ZDHHC21: variants seen among roughly 807,000 people sequenced by gnomAD.
ZDHHC21 encodes the protein palmitoyltransferase ZDHHC21.
Under a neutral mutation model 34.6 loss-of-function variants are expected in ZDHHC21, and 15 were observed. That is an observed-to-expected ratio of 0.43 (90% CI 0.29 to 0.67). The LOEUF (loss-of-function observed/expected upper bound fraction) is 0.67, where lower values mean the gene tolerates loss of function less well. ZDHHC21 is among the 30% of genes least tolerant of loss of function. The pLI, the probability that ZDHHC21 is intolerant of heterozygous loss-of-function variation, is 0.14. For missense variants in ZDHHC21, 344 were observed against 327.7 expected (o/e 1.05, Z -0.38); for synonymous variants, 142 against 101.8 (o/e 1.40, Z -2.38).
Position 14,680,135 on chromosome 9 carries a change from C to G in ZDHHC21, c.-148G>C, listed in dbSNP as rs930728283. 3.9e-5 allele frequency: 6 copies of G among 152,388 alleles called. No individual in the cohort carries two copies. Among genetic ancestry groups the G allele is most frequent in the African/African-American group, 1.4e-4 (6 of 41,386 alleles). The allele number at this position is 152,388 out of a possible 1,614,324, so 9.4% of individuals were successfully genotyped here. On this transcript the variant is annotated 5_prime_UTR_variant, in exon 3 of 10. Coordinates refer to ENST00000380916, the MANE Select transcript of ZDHHC21 (RefSeq NM_178566.6). ...TAATTATATCCCACCAAATGGATCT[C>G]TCTTCAATAACAGTTCTCCATGAGA...
downstream of ZDHHC21, among the ~76,000 whole-genome samples, chr9:14,606,387 T>C (rs1477985120): frequency 6.6e-6 from 1 of 152,128 alleles, no homozygotes; most frequent in East Asian, 1.9e-4. Flanking sequence ...AAGCCCAAAG[T>C]TATATGTAGA....
chr9:14,662,075 A>C (rs748833590), intron 6 of ZDHHC21, 140 bp downstream of exon 6: 7 of 516,742 alleles, frequency 1.4e-5, no homozygotes, highest in Non-Finnish European at 2.3e-5. Context: ...AGAACCATAT[A>C]ATCTAAATAA....
rs374162221 is a variant in ZDHHC21 at position 14,660,372 on chromosome 9, CAAAAAAAAA to C, written c.366-1494_366-1486del. ...TGGGCAACAGAGTAAGACTCCATCT[CAAAAAAAAA>C]AAAAAAAAAAAAAGAATGATCAGAG... On this transcript the variant is annotated intron_variant, in intron 6 of 9. Transcript: ENST00000380916. 2.2e-4 allele frequency among the ~76,000 whole-genome samples: 13 copies of C among 58,810 alleles called. No homozygotes were observed. In the East Asian group the frequency reaches 5.2e-3, roughly 23 times the overall value. 38.6% of individuals were successfully genotyped at this position (58,810 alleles called of 152,430 possible).
chr9:14,621,427 C>T (rs952712542), intron 8 of ZDHHC21, among the ~76,000 whole-genome samples: 3 of 152,000 alleles, frequency 2.0e-5, no homozygotes, highest in African/African-American at 4.8e-5. Context: ...AGATTTCATA[C>T]AGAAAAAGCT....
chr9:14,666,515 G>A (rs1587318160), intron 5 of ZDHHC21, among the ~76,000 whole-genome samples: 1 of 98,664 alleles, frequency 1.0e-5, no homozygotes, highest in South Asian at 4.6e-4. Flanking sequence ...GACATCTACA[G>A]AACTCTCCAC....
chr9:14,631,281 T>A (rs1827297725), intron 8 of ZDHHC21, among the ~76,000 whole-genome samples: 1 of 152,228 alleles, frequency 6.6e-6, no homozygotes. Context: ...CCTTCTTTCC[T>A]TAAGCCTTAA....
rs1666850157 is a variant in ZDHHC21 at position 14,616,819 on chromosome 9, C to T, written c.*2147G>A. 2.0e-5 allele frequency: 3 copies of T among 151,446 alleles called. No individual in the cohort carries two copies. The highest frequency in any genetic ancestry group is 2.1e-4 in the South Asian group (1 of 4,788). The allele number at this position is 151,446 out of a possible 1,614,324, so 9.4% of individuals were successfully genotyped here. A position where few individuals can be genotyped will look rare whatever the true frequency, so the allele number is the denominator to read the frequency against. Reference sequence around the variant, plus strand: ...TTTTCTAGTATATTAGTTTGTAGTCCAATAATTTAGGGGAACTGAGTACAG... The same window carrying T: ...TTTTCTAGTATATTAGTTTGTAGTCTAATAATTTAGGGGAACTGAGTACAG... On this transcript the variant is annotated 3_prime_UTR_variant, in exon 10 of 10. Coordinates refer to ENST00000380916, the MANE Select transcript of ZDHHC21 (RefSeq NM_178566.6).
chr9:14,658,996 T>C, intron 6 of ZDHHC21, 109 bp from the exon 7 acceptor site: 4 of 1,118,896 alleles, frequency 3.6e-6, no homozygotes, highest in Non-Finnish European at 5.0e-6. Flanking sequence ...CTTAACTTCA[T>C]GGAGATATGC....
the ZDHHC21 span, among the ~76,000 whole-genome samples, chr9:14,597,107 A>T: frequency 6.6e-6 from 1 of 152,150 alleles, no homozygotes; most frequent in Non-Finnish European, 1.5e-5. Context: ...AAATGCCTGA[A>T]GTCCATGCAA....
chr9:14,630,615 A>T (rs1158622969), intron 8 of ZDHHC21, among the ~76,000 whole-genome samples: 2 of 152,234 alleles, frequency 1.3e-5, no homozygotes, highest in African/African-American at 2.4e-5. Flanking sequence ...GATCCATCAG[A>T]GGAATCACTG....
chr9:14,628,103 C>T (rs546590155), intron 8 of ZDHHC21, among the ~76,000 whole-genome samples: 9 of 152,144 alleles, frequency 5.9e-5, no homozygotes, highest in East Asian at 5.8e-4. Flanking sequence ...AAAATTAAAT[C>T]GAAAAATAAT....
At chr9:14,638,749 C>A (rs986522750) in intron 8 of ZDHHC21, among the ~76,000 whole-genome samples, 1 of 151,718 alleles carries the variant, frequency 6.6e-6, no homozygotes, top group African/African-American at 2.4e-5. Context: ...TGCAAATAGC[C>A]AACAGGTATA....
intron 2 of ZDHHC21, among the ~76,000 whole-genome samples, chr9:14,681,578 G>A (rs1264924019): frequency 6.6e-6 from 1 of 152,068 alleles, no homozygotes; most frequent in Non-Finnish European, 1.5e-5. Context: ...CATTTTAGGA[G>A]GAAAAGACAC....
intron 1 of ZDHHC21, among the ~76,000 whole-genome samples, chr9:14,692,094 T>C (rs1366451899): frequency 2.6e-5 from 4 of 152,214 alleles, no homozygotes; most frequent in Non-Finnish European, 5.9e-5. Context: ...CTCACCTCAA[T>C]TCTTCAAATA....
intron 8 of ZDHHC21, chr9:14,622,562 C>T (rs1471683003): frequency 1.0e-6 from 1 of 985,144 alleles, no homozygotes; most frequent in Admixed American, 6.2e-5. Flanking sequence ...GTCCTCTTGG[C>T]ATAGAGCGCT....
chr9:14,602,425 A>G, the ZDHHC21 span, among the ~76,000 whole-genome samples: 1 of 152,048 alleles, frequency 6.6e-6, no homozygotes. Context: ...TAATGAAATA[A>G]TAGCTAAAAA....
chr9:14,595,813 T>C, the ZDHHC21 span, among the ~76,000 whole-genome samples: 10 of 151,970 alleles, frequency 6.6e-5, no homozygotes, highest in Non-Finnish European at 2.9e-5. Flanking sequence ...AAATACAAGA[T>C]CAGTCAATAT....
chr9:14,656,951 ATGC>A lies in ZDHHC21; in HGVS notation c.504+1795_504+1797del, dbSNP rs1269005663. On this transcript the variant is annotated intron_variant, in intron 7 of 9. Coordinates refer to ENST00000380916, the MANE Select transcript of ZDHHC21 (RefSeq NM_178566.6). ...TTTAATCTCTTAATAAACATTTACT[ATGC>A]TGCTGATCTTTTTCCAACATTCATT... Among the ~76,000 whole-genome samples, 8 of 152,050 alleles carry A rather than the reference ATGC, an allele frequency of 5.3e-5. No individual in the cohort carries two copies. In the South Asian group the frequency reaches 6.2e-4, roughly 12 times the overall value.
rs1442330982 is a variant in ZDHHC21, at chr9:14,617,084, T to A, written c.*1882A>T. 1 of 151,966 alleles carries A rather than the reference T, an allele frequency of 6.6e-6. No homozygotes were observed. Among genetic ancestry groups the A allele is most frequent in the Non-Finnish European group, 1.5e-5 (1 of 67,900 alleles). The allele number at this position is 151,966 out of a possible 1,614,324, so 9.4% of individuals were successfully genotyped here. On this transcript the variant is annotated 3_prime_UTR_variant, in exon 10 of 10. Transcript: ENST00000380916. ...ATGTATACAATATAAGGCATTCAACTGATATCTACCTACCTTATCTATATA... is the reference window on the plus strand; with the variant it reads ...ATGTATACAATATAAGGCATTCAACAGATATCTACCTACCTTATCTATATA...
Sources: allele counts gnomAD v4.1 joint callset (sites outside exome capture counted in the v4.1 genomes callset), GRCh38; gene constraint gnomAD v4.1.1; transcripts MANE v1.5; gene names NCBI Gene and HGNC (gene_info 2026-07-23, HGNC 2026-07-21).